The following NECTIN1 variants were observed in gnomAD, a reference collection of about 807,000 sequenced individuals.
NECTIN1 encodes the protein nectin-1.
NECTIN1 carries 23 observed loss-of-function variants against 48.0 expected under a neutral mutation model. The ratio of observed to expected loss-of-function variants is 0.48; its 90% CI spans 0.34 to 0.68. NECTIN1 has a LOEUF of 0.68. Among genes scored for constraint, NECTIN1 ranks in the 30% least tolerant of loss-of-function variants. The probability of loss-of-function intolerance (pLI) is 0.01; values close to 1 mark genes in which losing one functional copy is unlikely to be tolerated. For synonymous variants in NECTIN1, 270 were observed against 288.9 expected, an observed-to-expected ratio of 0.93 and a Z score of 0.66; for missense variants, 591 against 709.9, an observed-to-expected ratio of 0.83 and a Z score of 1.90.
At position 119,709,622 on chromosome 11, in the gene NECTIN1, G is replaced by A. The variant is rs2134331156; in HGVS notation, c.79+18853C>T. 6.6e-6 allele frequency among the ~76,000 whole-genome samples: 1 copy of A among 152,248 alleles called. No individual in the cohort carries two copies. Among genetic ancestry groups the A allele is most frequent in the East Asian group, 1.9e-4 (1 of 5,186 alleles). On this transcript the variant is annotated intron_variant, in intron 1 of 5. Transcript: ENST00000264025. The surrounding 1 kb of genome is among the most constrained non-coding windows in gnomAD (Gnocchi z 4.1). ...AAGCAGGGAGGGAGGGGAGCCCCGT[G>A]TGGGAAGCCTGAAAGGAGCCTGGGA...
At position 119,661,984 on chromosome 11, in the gene NECTIN1, T is replaced by C. The variant is rs1864674622; in HGVS notation, c.*2763A>G. ...GCTGCTGCTTTTCAGACCCTTCTGA[T>C]AAAAGGGGACTCGGCTGGTTCTATT... On this transcript the variant is annotated 3_prime_UTR_variant, in exon 6 of 6. Coordinates refer to ENST00000264025, the MANE Select transcript of NECTIN1 (RefSeq NM_002855.5). The C allele has an allele frequency of 3.0e-6, 3 of 985,050 alleles. No homozygotes were observed. Among genetic ancestry groups the C allele is most frequent in the Middle Eastern group, 5.2e-4 (1 of 1,914 alleles). 61.0% of individuals were successfully genotyped at this position (985,050 alleles called of 1,614,324 possible). A position where few individuals can be genotyped will look rare whatever the true frequency, so the allele number is the denominator to read the frequency against.
intron 1 of NECTIN1, among the ~76,000 whole-genome samples, chr11:119,689,880 C>T (rs1000145815): frequency 6.6e-6 from 1 of 152,264 alleles, no homozygotes; most frequent in Non-Finnish European, 1.5e-5. Context: ...CTTCCCTCCA[C>T]CTGCTTCCAA....
chr11:119,713,041 C>T (rs11217421), intron 1 of NECTIN1: 85,249 of 152,084 alleles, frequency 0.56, 24,147 homozygotes, highest in South Asian at 0.66. Flanking sequence ...CGGGTGGCAC[C>T]GTCAAGGAGG....
chr11:119,678,868 GT>G lies in NECTIN1; in HGVS notation c.80-104del. On this transcript the variant is annotated intron_variant, in intron 1 of 5. Coordinates refer to ENST00000264025, the MANE Select transcript of NECTIN1 (RefSeq NM_002855.5). The surrounding 1 kb of genome is among the most constrained non-coding windows in gnomAD (Gnocchi z 4.4). ...CTTGTCTTTTATAGCAGTCATTATT[GT>G]TTTTATTCCGATTGTAAAAATATTA... is the stretch of plus-strand genomic sequence containing the variant. 1.3e-6 allele frequency: 1 copy of G among 770,188 alleles called. No homozygotes were observed. 47.7% of individuals were successfully genotyped at this position (770,188 alleles called of 1,614,324 possible). A position where few individuals can be genotyped will look rare whatever the true frequency, so the allele number is the denominator to read the frequency against.
intron 1 of NECTIN1, among the ~76,000 whole-genome samples, chr11:119,726,254 G>T (rs1488346904): frequency 6.6e-6 from 1 of 152,198 alleles, no homozygotes; most frequent in East Asian, 1.9e-4. Context: ...GCCAGCAGGT[G>T]ATGCAAAGTA....
rs544517515 is a variant in NECTIN1 at position 119,668,635 on chromosome 11, C to T, written c.1004-3338G>A. Among the ~76,000 whole-genome samples the T allele has an allele frequency of 6.6e-5, 10 of 152,336 alleles. No individual in the cohort carries two copies. In the East Asian group the frequency reaches 1.2e-3, roughly 18 times the overall value. ...AGGAGCCTTCTCTTCTCCAGTTTAC[C>T]GTGATCTTTTTCTCTTTCGAATTTT... On this transcript the variant is annotated intron_variant, in intron 5 of 5. Coordinates refer to ENST00000264025, the MANE Select transcript of NECTIN1 (RefSeq NM_002855.5).
chr11:119,680,292 C>T (rs1407676098), intron 1 of NECTIN1, among the ~76,000 whole-genome samples: 1 of 152,222 alleles, frequency 6.6e-6, no homozygotes, highest in Non-Finnish European at 1.5e-5. Context: ...CAACTCCCCA[C>T]AAGCCGTGTC....
At chr11:119,699,180 C>T (rs1372611825) in intron 1 of NECTIN1, among the ~76,000 whole-genome samples, 1 of 152,162 alleles carries the variant, frequency 6.6e-6, no homozygotes, top group Non-Finnish European at 1.5e-5. Flanking sequence ...GCCAGCCGGC[C>T]CCCTGGTAGG....
At chr11:119,654,681 C>T (rs1864543637) in intron 5 of NECTIN1, among the ~76,000 whole-genome samples, 1 of 152,010 alleles carries the variant, frequency 6.6e-6, no homozygotes, top group African/African-American at 2.4e-5. Flanking sequence ...AAGCAATTCT[C>T]CTGCCTCAGC....
chr11:119,638,628 G>GTGA, intron 7 of NECTIN1: 6 of 1,068,044 alleles, frequency 5.6e-6, no homozygotes, highest in Non-Finnish European at 8.4e-6. Context: ...CCATGAAGGC[G>GTGA]TGGCGGCTCT....
intron 1 of NECTIN1, among the ~76,000 whole-genome samples, chr11:119,714,608 G>A (rs557356122): frequency 1.3e-5 from 2 of 152,248 alleles, no homozygotes; most frequent in Admixed American, 6.5e-5. Context: ...CCTGCCCACG[G>A]TCCCTCTGCA....
chr11:119,647,501 A>G (rs1424214898), intron 5 of NECTIN1, among the ~76,000 whole-genome samples: 1 of 152,056 alleles, frequency 6.6e-6, no homozygotes, highest in East Asian at 1.9e-4. Flanking sequence ...CCTGCTGCGC[A>G]GGGACCTGAC....
At chr11:119,644,929 C>A (rs1474640365) in intron 5 of NECTIN1, among the ~76,000 whole-genome samples, 1 of 152,138 alleles carries the variant, frequency 6.6e-6, no homozygotes, top group Non-Finnish European at 1.5e-5. Context: ...TAGTAATGCC[C>A]TCTCTCCTGC....
intron 4 of NECTIN1, chr11:119,675,752 A>C: frequency 5.0e-6 from 1 of 201,712 alleles, no homozygotes; most frequent in Non-Finnish European, 1.0e-5. Flanking sequence ...TCACGCCTGT[A>C]ATCCCAGCAC....
intron 1 of NECTIN1, among the ~76,000 whole-genome samples, chr11:119,682,908 T>C (rs1865084625): frequency 6.6e-6 from 1 of 152,194 alleles, no homozygotes; most frequent in East Asian, 1.9e-4. Context: ...CTGTCATCTC[T>C]TCCTACTCAG....
At position 119,688,651 on chromosome 11, in the gene NECTIN1, C is replaced by T. The variant is rs11217399; in HGVS notation, c.80-9886G>A. Among the ~76,000 whole-genome samples the T allele has an allele frequency of 6.8e-3, 1,028 of 152,180 alleles. 9 individuals are homozygous for T. Among genetic ancestry groups the T allele is most frequent in the East Asian group, 0.048 (249 of 5,174 alleles). On this transcript the variant is annotated intron_variant, in intron 1 of 5. Coordinates refer to ENST00000264025, the MANE Select transcript of NECTIN1 (RefSeq NM_002855.5). Reference sequence around the variant, plus strand: ...GCTCAGGCAGGGATGGTGGAGCTCACGAGGGACATGCAGGGCTGGCTGTGG... The same window carrying T: ...GCTCAGGCAGGGATGGTGGAGCTCATGAGGGACATGCAGGGCTGGCTGTGG...
chr11:119,712,174 T>C (rs1342569001), intron 1 of NECTIN1, among the ~76,000 whole-genome samples: 1 of 151,940 alleles, frequency 6.6e-6, no homozygotes, highest in African/African-American at 2.4e-5. Context: ...GATTTGGGGG[T>C]TGTTCTTTTC....
chr11:119,652,050 C>T (rs1024098874), intron 5 of NECTIN1, among the ~76,000 whole-genome samples: 1 of 152,162 alleles, frequency 6.6e-6, no homozygotes, highest in Admixed American at 6.5e-5. Context: ...ACCTCCCTCC[C>T]GCCGGCTGCC....
downstream of NECTIN1, among the ~76,000 whole-genome samples, chr11:119,660,370 T>G (rs951885345): frequency 1.3e-5 from 2 of 148,938 alleles, no homozygotes; most frequent in African/African-American, 2.5e-5. Context: ...GAAGACCTTC[T>G]CTCCAAACAA....
Sources: allele counts gnomAD v4.1 joint callset (sites outside exome capture counted in the v4.1 genomes callset), GRCh38; gene constraint gnomAD v4.1.1; non-coding constraint Gnocchi (gnomAD v3.1); transcripts MANE v1.5; gene names NCBI Gene and HGNC (gene_info 2026-07-23, HGNC 2026-07-21).